NBAS: variants seen among roughly 807,000 people sequenced by gnomAD.
NBAS encodes the protein NAG/BC035112 fusion.
In NBAS, 219 loss-of-function variants were observed where a neutral mutation model predicts 302.5. That is an observed-to-expected ratio of 0.72 (90% CI 0.65 to 0.81). The LOEUF is 0.81. NBAS is among the 30% of genes least tolerant of loss of function. The probability of loss-of-function intolerance (pLI) is 0.00; values close to 1 mark genes in which losing one functional copy is unlikely to be tolerated. For missense variants in NBAS, 2,932 were observed against 2,841.6 expected (o/e 1.03, Z -0.72); for synonymous variants, 1,118 against 1,021.6 (o/e 1.09, Z -1.80).
chr2:14,838,268 C>A, the NBAS span, among the ~76,000 whole-genome samples: 1 of 151,806 alleles, frequency 6.6e-6, no homozygotes, highest in Non-Finnish European at 1.5e-5. Flanking sequence ...TCATTATTTC[C>A]ATTATGCTCT....
the NBAS span, among the ~76,000 whole-genome samples, chr2:15,023,280 C>G: frequency 6.6e-6 from 1 of 152,062 alleles, no homozygotes; most frequent in African/African-American, 2.4e-5. Context: ...ATGGTATGTG[C>G]TCAAACACAG....
the NBAS span, among the ~76,000 whole-genome samples, chr2:14,787,511 G>A: frequency 6.6e-6 from 1 of 152,130 alleles, no homozygotes; most frequent in Non-Finnish European, 1.5e-5. Flanking sequence ...TTTTAGGGCA[G>A]GCCTGATGGT....
At chr2:15,478,108 G>A (rs1249242382) in intron 13 of NBAS, 118 bp downstream of exon 13, 1 of 725,434 alleles carries the variant, frequency 1.4e-6, no homozygotes. Flanking sequence ...ATGAAATCTT[G>A]ATGTTTCTTC....
intron 51 of NBAS, among the ~76,000 whole-genome samples, chr2:15,169,497 G>A (rs929101032): frequency 1.3e-5 from 2 of 152,118 alleles, no homozygotes; most frequent in African/African-American, 4.8e-5. Context: ...CGGTGTCTAC[G>A]TGCCAGAACC....
chr2:15,037,225 G>A, the NBAS span, among the ~76,000 whole-genome samples: 1 of 152,134 alleles, frequency 6.6e-6, no homozygotes, highest in Admixed American at 6.5e-5. Flanking sequence ...TTTCACTCAG[G>A]AGCCTGCATT....
chr2:15,288,961 C>T (rs184405070), intron 41 of NBAS, among the ~76,000 whole-genome samples: 19 of 152,254 alleles, frequency 1.2e-4, no homozygotes, highest in Non-Finnish European at 1.9e-4. Context: ...TACTATAAAA[C>T]CTTAAAACAA....
chr2:15,129,615 G>A, the NBAS span, among the ~76,000 whole-genome samples: 2 of 152,108 alleles, frequency 1.3e-5, no homozygotes, highest in South Asian at 2.1e-4. Flanking sequence ...CCCTTCTTTC[G>A]GGGCCCAATT....
chr2:15,487,062 T>G (rs1680660139), intron 12 of NBAS, among the ~76,000 whole-genome samples: 1 of 152,112 alleles, frequency 6.6e-6, no homozygotes. Context: ...AATTGATAAA[T>G]ATTTCTACTA....
the NBAS span, among the ~76,000 whole-genome samples, chr2:15,037,748 T>A: frequency 6.6e-6 from 1 of 152,174 alleles, no homozygotes; most frequent in African/African-American, 2.4e-5. Flanking sequence ...ACATTTTGTG[T>A]CTGCACACTC....
At chr2:15,085,228 C>T in the NBAS span, among the ~76,000 whole-genome samples, 4 of 152,156 alleles carry the variant, frequency 2.6e-5, no homozygotes, top group African/African-American at 9.6e-5. Flanking sequence ...ACTTTGGAGG[C>T]CCGGGGTGCA....
chr2:15,020,111 T>G, the NBAS span, among the ~76,000 whole-genome samples: 1 of 152,178 alleles, frequency 6.6e-6, no homozygotes, highest in Admixed American at 6.5e-5. Context: ...AACTCCCAAG[T>G]CTATACTCCT....
chr2:15,284,309 A>C (rs1178061444), intron 42 of NBAS, among the ~76,000 whole-genome samples: 1 of 152,184 alleles, frequency 6.6e-6, no homozygotes, highest in Non-Finnish European at 1.5e-5. Context: ...ACCACTAAAT[A>C]ATTTAATTTG....
At chr2:14,802,020 A>G in the NBAS span, among the ~76,000 whole-genome samples, 1 of 146,654 alleles carries the variant, frequency 6.8e-6, no homozygotes, top group Non-Finnish European at 1.5e-5. Flanking sequence ...GAAGCTCTTT[A>G]GTTTAATTAG....
chr2:14,986,864 A>G, the NBAS span, among the ~76,000 whole-genome samples: 1 of 152,164 alleles, frequency 6.6e-6, no homozygotes, highest in South Asian at 2.1e-4. Context: ...CATTTGATCA[A>G]TACAGGAGTT....
At chr2:15,538,693 A>C (rs2148688293) in intron 7 of NBAS, among the ~76,000 whole-genome samples, 1 of 152,308 alleles carries the variant, frequency 6.6e-6, no homozygotes, top group South Asian at 2.1e-4. Flanking sequence ...ATTGTCATAC[A>C]AAAGTCATTT....
the NBAS span, among the ~76,000 whole-genome samples, chr2:14,799,439 T>C: frequency 6.6e-6 from 1 of 152,264 alleles, no homozygotes; most frequent in Non-Finnish European, 1.5e-5. Context: ...CTTCTTTGAA[T>C]CCTTTTTAAT....
chr2:15,040,882 C>G, the NBAS span, among the ~76,000 whole-genome samples: 1 of 152,244 alleles, frequency 6.6e-6, no homozygotes, highest in South Asian at 2.1e-4. Context: ...TTGAGGTTAT[C>G]TCTGCCTTCC....
At chr2:15,000,017 C>T in the NBAS span, among the ~76,000 whole-genome samples, 1,270 of 152,242 alleles carry the variant, frequency 8.3e-3, 22 homozygotes, top group South Asian at 0.032. Context: ...AAGTTATTGC[C>T]AATAAGGCCA....
At chr2:14,884,413 G>T in the NBAS span, among the ~76,000 whole-genome samples, 1 of 152,122 alleles carries the variant, frequency 6.6e-6, no homozygotes, top group Non-Finnish European at 1.5e-5. Flanking sequence ...ACACTCATGA[G>T]AAAACACTTC....
Sources: gnomAD v4.1 joint callset for allele counts (sites outside exome capture counted in the v4.1 genomes callset) on GRCh38, gnomAD v4.1.1 for gene constraint, MANE v1.5 for transcripts, NCBI Gene and HGNC (gene_info 2026-07-23, HGNC 2026-07-21) for gene names.